The following ALK variants were observed in gnomAD, a reference collection of about 807,000 sequenced individuals.
ALK encodes the protein ALK tyrosine kinase receptor.
In ALK, 74 loss-of-function variants were observed where a neutral mutation model predicts 163.1. The ratio of observed to expected loss-of-function variants is 0.45; its 90% CI spans 0.38 to 0.55. ALK has a LOEUF of 0.55. Among genes scored for constraint, ALK ranks in the 20% least tolerant of loss-of-function variants. The probability of loss-of-function intolerance (pLI) is 0.00; values close to 1 mark genes in which losing one functional copy is unlikely to be tolerated. For missense variants in ALK, 2,063 were observed against 2,105.3 expected, an observed-to-expected ratio of 0.98 and a Z score of 0.39; for synonymous variants, 960 against 843.2, an observed-to-expected ratio of 1.14 and a Z score of -2.40.
At chr2:29,602,112 G>A (rs114521892) in intron 3 of ALK, among the ~76,000 whole-genome samples, 1 of 152,146 alleles carries the variant, frequency 6.6e-6, no homozygotes, top group East Asian at 1.9e-4. Flanking sequence ...GAGCAAACTC[G>A]ATATGAATCA....
At chr2:29,632,754 G>A (rs951395406) in intron 3 of ALK, among the ~76,000 whole-genome samples, 1 of 152,220 alleles carries the variant, frequency 6.6e-6, no homozygotes, top group Non-Finnish European at 1.5e-5. Context: ...CATGGCTGGG[G>A]ACGCCTCAAA....
chr2:29,572,063 C>A (rs1674391194), intron 3 of ALK, among the ~76,000 whole-genome samples: 1 of 152,154 alleles, frequency 6.6e-6, no homozygotes, highest in African/African-American at 2.4e-5. Context: ...GAGCTCAGCT[C>A]CCTGGAGGCA....
chr2:29,547,198 T>TAC (rs748274685), intron 3 of ALK, among the ~76,000 whole-genome samples: 7 of 152,272 alleles, frequency 4.6e-5, no homozygotes, highest in Non-Finnish European at 7.3e-5. Flanking sequence ...TCATACATTC[T>TAC]ACACACAGAA....
chr2:29,586,225 TG>T (rs967059995), intron 3 of ALK, among the ~76,000 whole-genome samples: 14 of 147,192 alleles, frequency 9.5e-5, no homozygotes, highest in East Asian at 4.1e-4. Context: ...CCCATTTTTT[TG>T]GGGGGGATAT....
At chr2:29,346,093 T>A (rs1336460365) in intron 5 of ALK, among the ~76,000 whole-genome samples, 1 of 152,230 alleles carries the variant, frequency 6.6e-6, no homozygotes, top group African/African-American at 2.4e-5. Context: ...AAAAGAAGCA[T>A]GAGTGAGTCA....
At chr2:29,445,690 C>G (rs985452874) in intron 4 of ALK, among the ~76,000 whole-genome samples, 2 of 152,156 alleles carry the variant, frequency 1.3e-5, no homozygotes, top group African/African-American at 4.8e-5. Flanking sequence ...GGTGTGGTGG[C>G]AGATGCCTGT....
At chr2:29,565,891 A>G (rs141332182) in intron 3 of ALK, among the ~76,000 whole-genome samples, 1 of 152,334 alleles carries the variant, frequency 6.6e-6, no homozygotes, top group Non-Finnish European at 1.5e-5. Flanking sequence ...AAAGAAAAAG[A>G]AGAGAAAAGA....
At chr2:29,366,980 GC>G (rs1482515329) in intron 5 of ALK, among the ~76,000 whole-genome samples, 1 of 152,100 alleles carries the variant, frequency 6.6e-6, no homozygotes, top group African/African-American at 2.4e-5. Flanking sequence ...AGCTGGTCTG[GC>G]TTTTCTTCCT....
chr2:29,491,122 C>T (rs1417419253), intron 4 of ALK, among the ~76,000 whole-genome samples: 1 of 152,176 alleles, frequency 6.6e-6, no homozygotes, highest in Admixed American at 6.5e-5. Flanking sequence ...CCTTAATAAA[C>T]ATTATCTTAT....
In ALK at chr2:29,871,235, C is replaced by T. The variant is rs111669717; in HGVS notation, c.667+48758G>A. 4.2e-3 allele frequency among the ~76,000 whole-genome samples: 644 copies of T among 152,290 alleles called. 6 individuals are homozygous for T. The highest frequency in any genetic ancestry group is 0.015 in the African/African-American group (612 of 41,560). ...AACCACCAGTGAAGGCATCCTTTCA[C>T]CTAGAGGAAGTTTGTGTCTAAACTA... On this transcript the variant is annotated intron_variant, in intron 1 of 28. Coordinates refer to ENST00000389048, the MANE Select transcript of ALK (RefSeq NM_004304.5).
intron 5 of ALK, among the ~76,000 whole-genome samples, chr2:29,344,310 T>A (rs1667884732): frequency 6.6e-6 from 1 of 152,036 alleles, no homozygotes; most frequent in Non-Finnish European, 1.5e-5. Flanking sequence ...TTCTCATGAG[T>A]CGGGCAGGCT....
At chr2:29,544,071 T>C (rs1673485596) in intron 3 of ALK, among the ~76,000 whole-genome samples, 1 of 152,228 alleles carries the variant, frequency 6.6e-6, no homozygotes, top group Non-Finnish European at 1.5e-5. Flanking sequence ...ATCATTATTA[T>C]CTGCTATTAC....
chr2:29,393,335 C>A (rs563118534), intron 4 of ALK, among the ~76,000 whole-genome samples: 1 of 152,308 alleles, frequency 6.6e-6, no homozygotes, highest in East Asian at 1.9e-4. Flanking sequence ...AACCAGAAGT[C>A]CTCTTCCCCA....
intron 4 of ALK, among the ~76,000 whole-genome samples, chr2:29,398,689 C>A (rs910408305): frequency 6.6e-6 from 1 of 151,798 alleles, no homozygotes; most frequent in South Asian, 2.1e-4. Flanking sequence ...AGAGCAGGAC[C>A]CCCCTCCTCC....
At chr2:29,565,309 A>AC (rs1203512987) in intron 3 of ALK, among the ~76,000 whole-genome samples, 2 of 152,198 alleles carry the variant, frequency 1.3e-5, no homozygotes, top group Admixed American at 1.3e-4. Context: ...TGAGATTTGA[A>AC]CTCGGGTCTT....
intron 15 of ALK, among the ~76,000 whole-genome samples, chr2:29,232,014 C>T (rs1664222670): frequency 8.3e-6 from 1 of 121,190 alleles, no homozygotes; most frequent in Non-Finnish European, 1.9e-5. Flanking sequence ...GAAGGAATCT[C>T]AGGGGGAGGC....
intron 4 of ALK, among the ~76,000 whole-genome samples, chr2:29,503,115 G>C (rs58902202): frequency 0.06 from 9,078 of 152,246 alleles, 842 homozygotes; most frequent in African/African-American, 0.2. Flanking sequence ...GGACTTAATA[G>C]ATATTGTTTA....
At chr2:29,900,382 A>G (rs546506606) in intron 1 of ALK, among the ~76,000 whole-genome samples, 1 of 152,336 alleles carries the variant, frequency 6.6e-6, no homozygotes, top group Non-Finnish European at 1.5e-5. Flanking sequence ...GCTGCATATC[A>G]AGCTGTCACT....
At chr2:29,918,053 C>A (rs1425517881) in intron 1 of ALK, among the ~76,000 whole-genome samples, 2 of 152,228 alleles carry the variant, frequency 1.3e-5, no homozygotes, top group African/African-American at 4.8e-5. Context: ...CCTCCCCACT[C>A]AGCAGCTCCA....
Sources: allele counts gnomAD v4.1 joint callset (sites outside exome capture counted in the v4.1 genomes callset), GRCh38; gene constraint gnomAD v4.1.1; transcripts MANE v1.5; gene names NCBI Gene and HGNC (gene_info 2026-07-23, HGNC 2026-07-21).